Variants in CCDC18 observed in about 807,000 individuals in gnomAD.
CCDC18 encodes the protein coiled-coil domain containing 18.
CCDC18 carries 157 observed loss-of-function variants against 196.0 expected under a neutral mutation model. The observed-to-expected ratio is 0.80, with a 90% CI of 0.70 to 0.91. CCDC18 has a LOEUF of 0.91. Ranked by LOEUF, CCDC18 falls within the 40% of genes least tolerant of loss-of-function variation. The pLI, the probability that CCDC18 is intolerant of heterozygous loss-of-function variation, is 0.00. For synonymous variants in CCDC18, 482 were observed against 529.2 expected (o/e 0.91, Z 1.22); for missense variants, 1,465 against 1,611.6 (o/e 0.91, Z 1.56).
intron 21 of CCDC18, among the ~76,000 whole-genome samples, chr1:93,241,343 G>A (rs1181769935): frequency 1.3e-5 from 2 of 152,108 alleles, no homozygotes; most frequent in Admixed American, 6.5e-5. Context: ...GTCTGTTGCT[G>A]TGGCTTCCTA....
chr1:93,251,210 A>G (rs1662200897), intron 23 of CCDC18, among the ~76,000 whole-genome samples: 1 of 152,072 alleles, frequency 6.6e-6, no homozygotes, highest in African/African-American at 2.4e-5. Context: ...TAGCAAAAAC[A>G]AAAAAAAGTA....
Position 93,223,341 on chromosome 1 carries a change from A to G in CCDC18, c.2175+1405A>G, listed in dbSNP as rs182982574. Among the ~76,000 whole-genome samples, 415 of 152,354 alleles carry G rather than the reference A, an allele frequency of 2.7e-3. 2 individuals carry two copies. The highest frequency in any genetic ancestry group is 5.8e-3 in the Admixed American group (89 of 15,306). On this transcript the variant is annotated intron_variant, in intron 16 of 28. Transcript: ENST00000690025. ...AAAAATCAAAATGAGTAAGAAATATAGAAGCCAAATTCCTATGATTTAAGC... is the reference window on the plus strand; with the variant it reads ...AAAAATCAAAATGAGTAAGAAATATGGAAGCCAAATTCCTATGATTTAAGC...
chr1:93,264,572 G>C (rs7518171), intron 26 of CCDC18, 129 bp from the exon 27 acceptor site: 1 of 567,128 alleles, frequency 1.8e-6, no homozygotes, highest in South Asian at 2.5e-5. Flanking sequence ...TCAGATGTTT[G>C]TAACTATAAA....
intron 23 of CCDC18, among the ~76,000 whole-genome samples, chr1:93,250,035 C>T (rs1662021721): frequency 6.6e-6 from 1 of 151,600 alleles, no homozygotes; most frequent in Non-Finnish European, 1.5e-5. Flanking sequence ...TTCTAAAGTT[C>T]CTCTTATTAT....
At chr1:93,255,500 T>G (rs182985793) in intron 24 of CCDC18, among the ~76,000 whole-genome samples, 138 of 152,158 alleles carry the variant, frequency 9.1e-4, no homozygotes, top group African/African-American at 3.1e-3. Context: ...GGAGGCCAAG[T>G]TGGCAGAATC....
intron 23 of CCDC18, among the ~76,000 whole-genome samples, chr1:93,248,140 C>G (rs1275460986): frequency 1.3e-5 from 2 of 151,070 alleles, no homozygotes; most frequent in African/African-American, 4.9e-5. Flanking sequence ...TCAGCCTCCC[C>G]AGTAGCTGGG....
At chr1:93,180,930 T>TTC (rs750369438) in intron 1 of CCDC18, 78 bp downstream of exon 1, 2 of 1,304,776 alleles carry the variant, frequency 1.5e-6, no homozygotes, top group African/African-American at 3.0e-5. Flanking sequence ...CCTGGGGGAG[T>TTC]TCTGTTCCTT....
chr1:93,193,570 G>T, intron 5 of CCDC18, 46 bp from the exon 6 acceptor site: 1 of 1,312,842 alleles, frequency 7.6e-7, no homozygotes, highest in Non-Finnish European at 1.0e-6. Context: ...GCATACCTGG[G>T]ATAATCTCTT....
At position 93,264,791 on chromosome 1, in the gene CCDC18, A is replaced by G; in HGVS notation, c.3775A>G (p.Lys1259Glu). Reference sequence around the variant, plus strand: ...TCAGCAACTAAACGAACAGTTAGAGAAGGCAAAATTGGAATTAGAAGAAGC... The same window carrying G: ...TCAGCAACTAAACGAACAGTTAGAGGAGGCAAAATTGGAATTAGAAGAAGC... ...SVQQLNEQLE[K>E]AKLELEEAQD... Residue 1259 changes from lysine (K) to glutamate (E), a missense_variant, in exon 27 of 29, where the codon AAG becomes GAG. Transcript: ENST00000690025. 7 of 1,613,384 alleles carry G rather than the reference A, an allele frequency of 4.3e-6. No homozygotes were observed. Among genetic ancestry groups the G allele is most frequent in the Non-Finnish European group, 5.1e-6 (6 of 1,179,448 alleles).
intron 11 of CCDC18, among the ~76,000 whole-genome samples, chr1:93,214,360 A>G (rs938371197): frequency 6.6e-6 from 1 of 152,194 alleles, no homozygotes; most frequent in Non-Finnish European, 1.5e-5. Context: ...GTTCTTAATG[A>G]TCTCAAACTG....
At chr1:93,265,689 G>T (rs1664406054) in intron 27 of CCDC18, among the ~76,000 whole-genome samples, 1 of 152,132 alleles carries the variant, frequency 6.6e-6, no homozygotes, top group Non-Finnish European at 1.5e-5. Context: ...GATCAAAAGA[G>T]ACCAAGAAGG....
intron 7 of CCDC18, 124 bp downstream of exon 7, chr1:93,202,112 C>A: frequency 1.9e-6 from 1 of 539,516 alleles, no homozygotes; most frequent in Non-Finnish European, 3.2e-6. Context: ...CTTACAAAAT[C>A]ATTTAAATAA....
chr1:93,251,238 ATCTCCT>A (rs1023372114), intron 23 of CCDC18, among the ~76,000 whole-genome samples: 4 of 152,156 alleles, frequency 2.6e-5, no homozygotes, highest in African/African-American at 7.2e-5. Flanking sequence ...GTATACTTTA[ATCTCCT>A]TCTCCTTCCA....
rs868647726 is a variant in CCDC18, at chr1:93,217,802, T to C, written c.1895T>C (p.Leu632Ser). 1.2e-6 allele frequency: 2 copies of C among 1,611,960 alleles called. No individual in the cohort carries two copies. Among genetic ancestry groups the C allele is most frequent in the African/African-American group, 1.3e-5 (1 of 74,944 alleles). Residue 632 changes from leucine (L) to serine (S), a missense_variant, in exon 14 of 29, where the codon TTA (leucine) becomes TCA (serine). Transcript: ENST00000690025. Reference protein sequence around the residue: ...NINTEHEKICLAFEKAKKIHL... With the variant: ...NINTEHEKICSAFEKAKKIHL... ...AATACAGAGCATGAGAAAATTTGTT[T>C]AGCCTTTGAAAAAGCAAAGAAAATT... is the stretch of plus-strand genomic sequence containing the variant.
At chr1:93,249,835 A>AT (rs1201490693) in intron 23 of CCDC18, among the ~76,000 whole-genome samples, 2 of 151,976 alleles carry the variant, frequency 1.3e-5, no homozygotes, top group Admixed American at 6.6e-5. Flanking sequence ...AAATTTTTGT[A>AT]TTTTTTTGAT....
intron 6 of CCDC18, among the ~76,000 whole-genome samples, chr1:93,196,823 G>A (rs1571372535): frequency 6.6e-6 from 1 of 152,082 alleles, no homozygotes; most frequent in South Asian, 2.1e-4. Context: ...AAAGATTGAT[G>A]TCGTATGTAT....
Position 93,186,335 on chromosome 1 carries a change from A to T in CCDC18, c.304-10A>T, listed in dbSNP as rs770425688. 3.7e-6 allele frequency: 6 copies of T among 1,605,406 alleles called. No individual in the cohort carries two copies. Among genetic ancestry groups the T allele is most frequent in the Non-Finnish European group, 5.1e-6 (6 of 1,176,078 alleles). ...ATTGAAAATATATTTGTTCTTTTTC[A>T]TTCTTTCAGATGTTTTCATCTTCTG... On this transcript the variant is annotated splice_polypyrimidine_tract_variant and intron_variant, in intron 3 of 28. Transcript: ENST00000690025.
intron 28 of CCDC18, among the ~76,000 whole-genome samples, chr1:93,276,796 G>A (rs1180989015): frequency 6.6e-6 from 1 of 151,978 alleles, no homozygotes; most frequent in African/African-American, 2.4e-5. Context: ...GGGGTGGGTT[G>A]CCCCTACACA....
At chr1:93,226,671 T>G (rs953071419) in intron 17 of CCDC18, among the ~76,000 whole-genome samples, 4 of 151,718 alleles carry the variant, frequency 2.6e-5, no homozygotes, top group African/African-American at 9.7e-5. Context: ...GTAGCTAGGA[T>G]TACAGGTATG....
Sources: allele counts gnomAD v4.1 joint callset (sites outside exome capture counted in the v4.1 genomes callset), GRCh38; gene constraint gnomAD v4.1.1; transcripts MANE v1.5; gene names NCBI Gene and HGNC (gene_info 2026-07-23, HGNC 2026-07-21).